The following CNTNAP2 variants were observed in gnomAD, a reference collection of about 807,000 sequenced individuals.
The protein encoded by CNTNAP2 is contactin-associated protein-like 2.
Under a neutral mutation model 155.2 loss-of-function variants are expected in CNTNAP2, and 98 were observed. The observed-to-expected ratio is 0.63, with a 90% CI of 0.54 to 0.75. The LOEUF (loss-of-function observed/expected upper bound fraction) is 0.75. Ranked by LOEUF, CNTNAP2 falls within the 30% of genes least tolerant of loss-of-function variation. CNTNAP2 has a pLI of 0.00. For missense variants in CNTNAP2, 1,727 were observed against 1,688.1 expected, an observed-to-expected ratio of 1.02 and a Z score of -0.40; for synonymous variants, 651 against 631.2, an observed-to-expected ratio of 1.03 and a Z score of -0.47.
intron 21 of CNTNAP2, among the ~76,000 whole-genome samples, chr7:148,289,843 C>T (rs942219899): frequency 1.3e-5 from 2 of 152,356 alleles, no homozygotes; most frequent in Admixed American, 1.3e-4. Flanking sequence ...TCCCTCTGCA[C>T]ACACATGATG....
intron 1 of CNTNAP2, among the ~76,000 whole-genome samples, chr7:146,710,090 G>A (rs958663355): frequency 6.6e-6 from 1 of 152,184 alleles, no homozygotes; most frequent in South Asian, 2.1e-4. Context: ...GAGAGGAACT[G>A]GCCAGAGACC....
At chr7:148,006,716 T>A (rs911435019) in intron 15 of CNTNAP2, among the ~76,000 whole-genome samples, 2 of 152,054 alleles carry the variant, frequency 1.3e-5, no homozygotes, top group African/African-American at 4.8e-5. Flanking sequence ...ATTTTCTTTT[T>A]TTTTTCTTTA....
chr7:148,207,295 G>A (rs986931422), intron 18 of CNTNAP2, among the ~76,000 whole-genome samples: 2 of 152,160 alleles, frequency 1.3e-5, no homozygotes, highest in Non-Finnish European at 2.9e-5. Context: ...CTAAGTAGTC[G>A]GGCAGGAGAG....
intron 22 of CNTNAP2, among the ~76,000 whole-genome samples, chr7:148,389,397 C>T (rs1385115708): frequency 6.6e-6 from 1 of 152,188 alleles, no homozygotes; most frequent in Non-Finnish European, 1.5e-5. Flanking sequence ...CCATGTAAGA[C>T]ATGACTTGCT....
intron 3 of CNTNAP2, among the ~76,000 whole-genome samples, chr7:146,982,707 T>C (rs1798041074): frequency 6.6e-6 from 1 of 152,140 alleles, no homozygotes; most frequent in Non-Finnish European, 1.5e-5. Context: ...GCTTGATGCC[T>C]CTGATCAGAC....
intron 11 of CNTNAP2, among the ~76,000 whole-genome samples, chr7:147,558,965 T>G (rs1359151645): frequency 6.6e-6 from 1 of 152,084 alleles, no homozygotes; most frequent in Non-Finnish European, 1.5e-5. Context: ...ATGCTCTTAA[T>G]CTCTTGACCT....
chr7:147,892,782 T>C (rs1282959002), intron 13 of CNTNAP2, among the ~76,000 whole-genome samples: 1 of 152,206 alleles, frequency 6.6e-6, no homozygotes, highest in Non-Finnish European at 1.5e-5. Flanking sequence ...TTCAGGTCCA[T>C]TTTGATCTGA....
At chr7:148,059,503 G>T (rs547679237) in intron 15 of CNTNAP2, among the ~76,000 whole-genome samples, 2 of 150,838 alleles carry the variant, frequency 1.3e-5, no homozygotes, top group East Asian at 2.0e-4. Flanking sequence ...CAGGAAAATC[G>T]CTTGAACCCG....
At chr7:146,338,046 C>G (rs1801308770) in intron 1 of CNTNAP2, among the ~76,000 whole-genome samples, 1 of 152,122 alleles carries the variant, frequency 6.6e-6, no homozygotes, top group Non-Finnish European at 1.5e-5. Context: ...TTTCAACCCT[C>G]TCACCATCAT....
At chr7:147,315,581 A>C (rs370616814) in intron 9 of CNTNAP2, among the ~76,000 whole-genome samples, 6 of 148,108 alleles carry the variant, frequency 4.1e-5, no homozygotes, top group African/African-American at 1.2e-4. Context: ...TCCCGGGTTC[A>C]CGCCATTCTC....
chr7:147,348,335 G>T (rs554423360), intron 9 of CNTNAP2, among the ~76,000 whole-genome samples: 51 of 150,544 alleles, frequency 3.4e-4, no homozygotes, highest in African/African-American at 1.2e-3. Flanking sequence ...ATGGGCAAAT[G>T]ATCTGAATAG....
intron 17 of CNTNAP2, among the ~76,000 whole-genome samples, chr7:148,154,859 C>G (rs1378471098): frequency 6.6e-6 from 1 of 152,082 alleles, no homozygotes; most frequent in Non-Finnish European, 1.5e-5. Flanking sequence ...ATAGCTTGAA[C>G]CCAGTGGGCA....
At chr7:148,124,656 G>T (rs1006456614) in intron 16 of CNTNAP2, among the ~76,000 whole-genome samples, 1 of 152,188 alleles carries the variant, frequency 6.6e-6, no homozygotes, top group East Asian at 1.9e-4. Flanking sequence ...GCCAGGCCCT[G>T]TTCTAAAGCT....
At chr7:147,959,336 T>C (rs1801076798) in intron 14 of CNTNAP2, among the ~76,000 whole-genome samples, 1 of 151,978 alleles carries the variant, frequency 6.6e-6, no homozygotes, top group Non-Finnish European at 1.5e-5. Flanking sequence ...ATGTGGGTTG[T>C]CCAATGCTCA....
intron 9 of CNTNAP2, among the ~76,000 whole-genome samples, chr7:147,344,407 G>A (rs899232091): frequency 2.0e-5 from 3 of 150,400 alleles, no homozygotes; most frequent in African/African-American, 7.4e-5. Flanking sequence ...GGCTGATTAG[G>A]CAGAGGTAAC....
At chr7:147,737,012 T>G (rs1796861461) in intron 13 of CNTNAP2, among the ~76,000 whole-genome samples, 1 of 152,228 alleles carries the variant, frequency 6.6e-6, no homozygotes, top group Non-Finnish European at 1.5e-5. Flanking sequence ...GAAGCCTTCT[T>G]CTCTCAACTC....
chr7:146,861,426 C>A (rs1288947749), intron 3 of CNTNAP2, among the ~76,000 whole-genome samples: 3 of 152,084 alleles, frequency 2.0e-5, no homozygotes, highest in Non-Finnish European at 4.4e-5. Flanking sequence ...AGGTGCTCAA[C>A]AATTTTGTAC....
At chr7:148,089,069 A>T (rs1803790734) in intron 15 of CNTNAP2, among the ~76,000 whole-genome samples, 1 of 152,076 alleles carries the variant, frequency 6.6e-6, no homozygotes, top group African/African-American at 2.4e-5. Context: ...GATCATCTCA[A>T]TAGATGCAGA....
At position 147,116,381 on chromosome 7, in the gene CNTNAP2, C is replaced by T. The variant is rs576679536; in HGVS notation, c.755-4598C>T. Among the ~76,000 whole-genome samples the T allele has an allele frequency of 5.9e-5, 9 of 152,300 alleles. No homozygotes were observed. In the East Asian group the frequency reaches 1.5e-3, roughly 26 times the overall value. On this transcript the variant is annotated intron_variant, in intron 5 of 23. Transcript: ENST00000361727. ...GCTGTGTTGGAGATTTCTTCAGCCCCTAATCGGTTTGGGCTCTCCAAGGCC... is the reference window on the plus strand; with the variant it reads ...GCTGTGTTGGAGATTTCTTCAGCCCTTAATCGGTTTGGGCTCTCCAAGGCC...
Sources: gnomAD v4.1 joint callset for allele counts (sites outside exome capture counted in the v4.1 genomes callset) on GRCh38, gnomAD v4.1.1 for gene constraint, MANE v1.5 for transcripts, NCBI Gene and HGNC (gene_info 2026-07-23, HGNC 2026-07-21) for gene names.